Variants in NRXN2 observed in about 807,000 individuals in gnomAD.
NRXN2 encodes neurexin 2.
In NRXN2, 29 loss-of-function variants were observed where a neutral mutation model predicts 128.8. The observed-to-expected ratio is 0.23, with a 90% CI of 0.17 to 0.31. The LOEUF is 0.31. Among genes scored for constraint, NRXN2 ranks in the 10% least tolerant of loss-of-function variants. The pLI is 1.00. For synonymous variants in NRXN2, 1,098 were observed against 1,075.2 expected, an observed-to-expected ratio of 1.02 and a Z score of -0.41; for missense variants, 1,881 against 2,452.6, an observed-to-expected ratio of 0.77 and a Z score of 4.92.
At chr11:64,680,895 A>G (rs1365642438) in intron 6 of NRXN2, among the ~76,000 whole-genome samples, 1 of 151,982 alleles carries the variant, frequency 6.6e-6, no homozygotes, top group Non-Finnish European at 1.5e-5. Context: ...TCAACAGTTC[A>G]AGACCAGCCT....
chr11:64,624,130 T>G (rs1591564011), intron 20 of NRXN2: 1 of 151,834 alleles, frequency 6.6e-6, no homozygotes, highest in African/African-American at 2.4e-5. Context: ...GCACTGGGGG[T>G]TTTAGACCTG....
Position 64,636,905 on chromosome 11 carries a change from C to T in NRXN2, c.3404-1453G>A, listed in dbSNP as rs576389246. ...GTTGGGGCAATCAGGGGTGAGGAGG[C>T]TCCATCCCAGGGAGCTCCTAGGACC... On this transcript the variant is annotated intron_variant, in intron 17 of 22. Transcript: ENST00000265459. Among the ~76,000 whole-genome samples, 37 of 152,236 alleles carry T rather than the reference C, an allele frequency of 2.4e-4. 1 individual carries two copies. The South Asian group carries it at 7.5e-3, about 31-fold the overall frequency.
Position 64,685,867 on chromosome 11 carries a change from T to A in NRXN2, c.931A>T (p.Thr311Ser). Residue 311 changes from threonine to serine, a missense_variant, in exon 6 of 23, where the codon ACT (threonine) becomes TCT (serine). Coordinates refer to ENST00000265459, the MANE Select transcript of NRXN2 (RefSeq NM_015080.4). ...DLSHNPIQSSTDEITLAFRTL... is the reference protein window; with the variant it reads ...DLSHNPIQSSSDEITLAFRTL... The stretch of plus-strand genomic sequence containing the variant: ...CGGAAGGCCAGTGTGATCTCATCAG[T>A]GCTGCTCTGGATGGGGTTGTGTGAC... The A allele has an allele frequency of 6.2e-7, 1 of 1,614,188 alleles. No individual in the cohort carries two copies. Among genetic ancestry groups the A allele is most frequent in the South Asian group, 1.1e-5 (1 of 91,082 alleles).
At chr11:64,662,707 G>T (rs935444484) in intron 9 of NRXN2, among the ~76,000 whole-genome samples, 2 of 152,034 alleles carry the variant, frequency 1.3e-5, no homozygotes, top group Non-Finnish European at 2.9e-5. Flanking sequence ...GTGTGAACCC[G>T]GGAGGCAGAG....
intron 9 of NRXN2, among the ~76,000 whole-genome samples, chr11:64,664,050 G>T (rs888593990): frequency 6.6e-6 from 1 of 152,354 alleles, no homozygotes; most frequent in African/African-American, 2.4e-5. Flanking sequence ...AGAGGGAATA[G>T]GGAGTTAGTG....
rs2050110640 is a variant in NRXN2 at position 64,667,921 on chromosome 11, T to C, written c.1360-233A>G. Among the ~76,000 whole-genome samples the C allele has an allele frequency of 6.6e-6, 1 of 152,100 alleles. No individual in the cohort carries two copies. The highest frequency in any genetic ancestry group is 2.4e-5 in the African/African-American group (1 of 41,360). On this transcript the variant is annotated intron_variant, in intron 8 of 22. Coordinates refer to ENST00000265459, the MANE Select transcript of NRXN2 (RefSeq NM_015080.4). This position sits in a 1 kb window ranked among gnomAD's most constrained non-coding sequence, Gnocchi z 5.6. Reference sequence around the variant, plus strand: ...GTCTTCTGGCCCAGCAGGAGCATGGTGGCTTGCCTGTGGGTTCTCAGTGCC... The same window carrying C: ...GTCTTCTGGCCCAGCAGGAGCATGGCGGCTTGCCTGTGGGTTCTCAGTGCC...
chr11:64,614,354 A>G (rs1198528996), intron 22 of NRXN2, among the ~76,000 whole-genome samples: 1 of 152,218 alleles, frequency 6.6e-6, no homozygotes, highest in Non-Finnish European at 1.5e-5. Flanking sequence ...ATGAGGCTTG[A>G]GAACTGTGTC....
chr11:64,701,063 C>T (rs924234532), intron 2 of NRXN2, among the ~76,000 whole-genome samples: 1 of 152,180 alleles, frequency 6.6e-6, no homozygotes, highest in Non-Finnish European at 1.5e-5. Flanking sequence ...AGGCCAGGCC[C>T]TGGTGAGGCC....
chr11:64,708,174 C>T (rs2056535775), intron 2 of NRXN2, among the ~76,000 whole-genome samples: 1 of 152,038 alleles, frequency 6.6e-6, no homozygotes, highest in Admixed American at 6.5e-5. Flanking sequence ...GCCCCCAACA[C>T]ACAGCCTAGC....
At chr11:64,720,492 G>A (rs976950185) in intron 1 of NRXN2, among the ~76,000 whole-genome samples, 1 of 152,156 alleles carries the variant, frequency 6.6e-6, no homozygotes, top group Non-Finnish European at 1.5e-5. Context: ...CTTAGAAATG[G>A]GAAGGCTCCC....
At position 64,676,976 on chromosome 11, in the gene NRXN2, AT is replaced by A. The variant is rs1250043241; in HGVS notation, c.1197+16del. On this transcript the variant is annotated intron_variant, in intron 7 of 22. Coordinates refer to ENST00000265459, the MANE Select transcript of NRXN2 (RefSeq NM_015080.4). The stretch of plus-strand genomic sequence containing the variant: ...CCACGGCAAACCAAACGGTAAGACA[AT>A]TAGAGTGATATCTACCAGATAATGC... 6.2e-7 allele frequency: 1 copy of A among 1,611,100 alleles called. No individual in the cohort carries two copies. Among genetic ancestry groups the A allele is most frequent in the Admixed American group, 1.7e-5 (1 of 59,966 alleles).
intron 2 of NRXN2, among the ~76,000 whole-genome samples, chr11:64,706,279 C>T (rs1180775568): frequency 1.4e-5 from 2 of 142,114 alleles, no homozygotes; most frequent in African/African-American, 2.7e-5. Flanking sequence ...CCAAATAACT[C>T]GTCACTTACA....
chr11:64,665,887 A>G (rs1436303023), intron 9 of NRXN2, among the ~76,000 whole-genome samples: 1 of 152,238 alleles, frequency 6.6e-6, no homozygotes, highest in Non-Finnish European at 1.5e-5. Context: ...GCAGACAGAA[A>G]ACAAGAAGAG....
At chr11:64,691,366 G>A (rs1464776963) in intron 4 of NRXN2, among the ~76,000 whole-genome samples, 1 of 152,142 alleles carries the variant, frequency 6.6e-6, no homozygotes, top group Non-Finnish European at 1.5e-5. Flanking sequence ...CTGGGTTCCA[G>A]GCCAGCTCGA....
At position 64,648,568 on chromosome 11, in the gene NRXN2, C is replaced by A. The variant is rs893859816; in HGVS notation, c.3283+166G>T. ...GAGACAACAGGGAGGGCAAGTGACC[C>A]TTCACACACCTGTATCCCTGCCCCA... is the stretch of plus-strand genomic sequence containing the variant. On this transcript the variant is annotated intron_variant, in intron 16 of 22. Transcript: ENST00000265459. This position sits in a 1 kb window ranked among gnomAD's most constrained non-coding sequence, Gnocchi z 4.1. Among the ~76,000 whole-genome samples the A allele has an allele frequency of 1.3e-5, 2 of 152,226 alleles. No individual in the cohort carries two copies. Among genetic ancestry groups the A allele is most frequent in the African/African-American group, 2.4e-5 (1 of 41,460 alleles).
rs758596304 is a variant in NRXN2, at chr11:64,622,764, T to C, written c.4162A>G (p.Ser1388Gly). 6.8e-6 allele frequency: 11 copies of C among 1,608,920 alleles called. No individual in the cohort carries two copies. Among genetic ancestry groups the C allele is most frequent in the Admixed American group, 3.3e-5 (2 of 59,978 alleles). The change falls in exon 21 of 23, where the codon AGC becomes GGC. Residue 1388 changes from serine to glycine, a missense_variant. Transcript: ENST00000265459. This position sits in a 1 kb window ranked among gnomAD's most constrained non-coding sequence, Gnocchi z 4.3. ...GAGTGGGGCCTCACCTGGGTGGTGC[T>C]GTCCCTCAGTGTGGGGGAGCGGCCC... is the stretch of plus-strand genomic sequence containing the variant. Reference protein sequence around the residue: ...RRGRSPTLRDSTTQNTDDLLV... With the variant: ...RRGRSPTLRDGTTQNTDDLLV...
chr11:64,679,123 C>A (rs2051781518), intron 6 of NRXN2, among the ~76,000 whole-genome samples: 1 of 152,116 alleles, frequency 6.6e-6, no homozygotes, highest in Admixed American at 6.5e-5. Flanking sequence ...GAACAAGGAA[C>A]AATTAGCTTC....
At chr11:64,712,762 G>GCCCCGCCCACTCGCCCCGCCCACCGCCAA (rs1219978485) in intron 2 of NRXN2, 6 of 681,518 alleles carry the variant, frequency 8.8e-6, no homozygotes, top group Admixed American at 2.1e-5. Flanking sequence ...GCCCAAGCCG[G>GCCCCGCCCACTCGCCCCGCCCACCGCCAA]CCCCGCCCAC....
Position 64,620,398 on chromosome 11 carries a change from A to C in NRXN2, c.4174-26T>G. The C allele has an allele frequency of 1.9e-6, 3 of 1,538,966 alleles. No homozygotes were observed. In the East Asian group the frequency reaches 7.3e-5, roughly 38 times the overall value. Reference sequence around the variant, plus strand: ...CTGAGGGGCGAGAGAAGGGGTGGGGAAAGAGAGGTTCCAGGCAGGTCAGCA... The same window carrying C: ...CTGAGGGGCGAGAGAAGGGGTGGGGCAAGAGAGGTTCCAGGCAGGTCAGCA... On this transcript the variant is annotated intron_variant, in intron 21 of 22. Coordinates refer to ENST00000265459, the MANE Select transcript of NRXN2 (RefSeq NM_015080.4).
Sources: allele counts gnomAD v4.1 joint callset (sites outside exome capture counted in the v4.1 genomes callset), GRCh38; gene constraint gnomAD v4.1.1; non-coding constraint Gnocchi (gnomAD v3.1); transcripts MANE v1.5; gene names NCBI Gene and HGNC (gene_info 2026-07-23, HGNC 2026-07-21).